The following CAMSAP1 variants were observed in gnomAD, a reference collection of about 807,000 sequenced individuals.
CAMSAP1 encodes calmodulin-regulated spectrin-associated protein 1.
Under a neutral mutation model 143.5 loss-of-function variants are expected in CAMSAP1, and 58 were observed. That is an observed-to-expected ratio of 0.40 (90% CI 0.33 to 0.50). CAMSAP1 has a LOEUF of 0.50. CAMSAP1 is among the 20% of genes least tolerant of loss of function. The pLI is 0.45. For synonymous variants in CAMSAP1, 945 were observed against 859.3 expected (o/e 1.10, Z -1.74); for missense variants, 1,969 against 2,115.7 (o/e 0.93, Z 1.36).
chr9:135,850,550 A>G (rs1256199050), intron 5 of CAMSAP1, 89 bp from the exon 6 acceptor site: 4 of 1,039,918 alleles, frequency 3.8e-6, no homozygotes, highest in Middle Eastern at 3.1e-4. Context: ...ACCATTTTAC[A>G]TAAAGGTAGT....
chr9:135,818,924 T>C lies in CAMSAP1; in HGVS notation c.3959+86A>G, dbSNP rs1835339280. On this transcript the variant is annotated intron_variant, in intron 12 of 16. Transcript: ENST00000389532. The surrounding 1 kb of genome is among the most constrained non-coding windows in gnomAD (Gnocchi z 7.7). ...CACAGGCACTCATTGCCATGGTCCATGCTCAGTGCCAGCAACGGGACCGGG... is the reference window on the plus strand; with the variant it reads ...CACAGGCACTCATTGCCATGGTCCACGCTCAGTGCCAGCAACGGGACCGGG... 3.9e-6 allele frequency: 6 copies of C among 1,538,556 alleles called. No individual in the cohort carries two copies. Among genetic ancestry groups the C allele is most frequent in the Non-Finnish European group, 5.2e-6 (6 of 1,145,796 alleles).
intron 3 of CAMSAP1, among the ~76,000 whole-genome samples, chr9:135,875,846 T>C (rs1241442790): frequency 6.6e-6 from 1 of 152,186 alleles, no homozygotes; most frequent in Non-Finnish European, 1.5e-5. Context: ...GAAGAAAACA[T>C]AGGAGAAACT....
chr9:135,881,545 CG>C (rs1467375648), intron 3 of CAMSAP1, 87 bp downstream of exon 3: 1 of 1,419,956 alleles, frequency 7.0e-7, no homozygotes, highest in East Asian at 2.5e-5. Flanking sequence ...TGGGTCTCAG[CG>C]TGACAGACAA....
chr9:135,866,320 G>C (rs775539959), intron 4 of CAMSAP1, 136 bp downstream of exon 4: 2 of 606,776 alleles, frequency 3.3e-6, no homozygotes, highest in East Asian at 5.6e-5. Context: ...AGCCCACCAG[G>C]TGAATCCAAG....
At position 135,850,371 on chromosome 9, in the gene CAMSAP1, CATTT is replaced by C. The variant is rs748456502; in HGVS notation, c.895_898del (p.Lys299ValfsTer14). On this transcript the variant is annotated frameshift_variant, in exon 6 of 17. Transcript: ENST00000389532. LOFTEE classifies it high-confidence loss of function. ...CATATCTTCCAAGGTGAGATAAAAA[CATTT>C]ATTAAGATATTCATTGGAGAATTCT... The C allele has an allele frequency of 6.2e-7, 1 of 1,611,206 alleles. No individual in the cohort carries two copies. The highest frequency in any genetic ancestry group is 1.7e-5 in the Admixed American group (1 of 59,404).
chr9:135,809,791 G>C lies in CAMSAP1; in HGVS notation c.*1518C>G, dbSNP rs559653861. 1 of 152,516 alleles carries C rather than the reference G, an allele frequency of 6.6e-6. No homozygotes were observed. The highest frequency in any genetic ancestry group is 2.4e-5 in the African/African-American group (1 of 41,396). 9.4% of individuals were successfully genotyped at this position (152,516 alleles called of 1,614,324 possible). ...GACAGAGAGCGGCTGTGTCGAACAC[G>C]ATATATACAAAATCGCAAGAGACTG... On this transcript the variant is annotated 3_prime_UTR_variant, in exon 17 of 17. Transcript: ENST00000389532.
rs78900022 is a variant in CAMSAP1 at position 135,859,764 on chromosome 9, T to C, written c.808+2703A>G. Among the ~76,000 whole-genome samples the C allele has an allele frequency of 6.6e-3, 997 of 152,204 alleles. 6 individuals are homozygous for C. Among genetic ancestry groups the C allele is most frequent in the African/African-American group, 0.022 (923 of 41,534 alleles). On this transcript the variant is annotated intron_variant, in intron 5 of 16. Transcript: ENST00000389532. ...TAATGAGCTTCAATACAGTCACACC[T>C]TCCTGTAAACTGTTCACATGATCAT...
rs148885212 is a variant in CAMSAP1 at position 135,905,364 on chromosome 9, A to G, written c.160+1636T>C. On this transcript the variant is annotated intron_variant, in intron 1 of 16. Coordinates refer to ENST00000389532, the MANE Select transcript of CAMSAP1 (RefSeq NM_015447.4). ...CCTTGCTAAAGAAATTGGAAAGCAGATCGTGAAAGTTCTTTTTATAGCAAT... is the reference window on the plus strand; with the variant it reads ...CCTTGCTAAAGAAATTGGAAAGCAGGTCGTGAAAGTTCTTTTTATAGCAAT... Among the ~76,000 whole-genome samples, 133 of 152,378 alleles carry G rather than the reference A, an allele frequency of 8.7e-4. 3 individuals are homozygous for G. The East Asian group carries it at 0.025, about 29-fold the overall frequency.
intron 1 of CAMSAP1, among the ~76,000 whole-genome samples, chr9:135,884,055 G>A (rs1018133756): frequency 2.0e-5 from 3 of 152,148 alleles, no homozygotes; most frequent in African/African-American, 4.8e-5. Flanking sequence ...GACGGAGGAC[G>A]AGGGATGTCT....
chr9:135,865,288 G>C (rs1228732291), intron 4 of CAMSAP1: 2 of 1,546,132 alleles, frequency 1.3e-6, no homozygotes, highest in Non-Finnish European at 1.7e-6. Flanking sequence ...GATCGCGACA[G>C]GATGGCTCTG....
intron 7 of CAMSAP1, among the ~76,000 whole-genome samples, chr9:135,835,417 G>A (rs778759894): frequency 3.3e-5 from 5 of 152,188 alleles, no homozygotes; most frequent in Non-Finnish European, 5.9e-5. Flanking sequence ...GAGGCTTCAC[G>A]GAGGTATCAG....
intron 5 of CAMSAP1, among the ~76,000 whole-genome samples, chr9:135,857,013 G>C (rs995189616): frequency 6.6e-6 from 1 of 152,194 alleles, no homozygotes; most frequent in Non-Finnish European, 1.5e-5. Flanking sequence ...CTGTGGCTGA[G>C]GAATCTGGTG....
At chr9:135,879,307 G>C (rs1837855582) in intron 3 of CAMSAP1, among the ~76,000 whole-genome samples, 1 of 152,128 alleles carries the variant, frequency 6.6e-6, no homozygotes, top group Non-Finnish European at 1.5e-5. Context: ...CAAGTCCACA[G>C]AAACACAGAG....
chr9:135,897,178 A>G (rs1838481883), intron 1 of CAMSAP1, among the ~76,000 whole-genome samples: 1 of 152,098 alleles, frequency 6.6e-6, no homozygotes, highest in African/African-American at 2.4e-5. Context: ...TTTTTGAGAC[A>G]CGGTCTCACT....
intron 16 of CAMSAP1, 85 bp downstream of exon 16, chr9:135,815,011 TA>T: frequency 1.1e-6 from 1 of 937,978 alleles, no homozygotes; most frequent in South Asian, 1.5e-5. Context: ...CATCAAAGAT[TA>T]GGGGTGTTTT....
chr9:135,901,174 T>G (rs11103210), intron 1 of CAMSAP1, among the ~76,000 whole-genome samples: 2,464 of 152,344 alleles, frequency 0.016, 66 homozygotes, highest in African/African-American at 0.055. Flanking sequence ...CCATGGCAGT[T>G]CAGCTGACTG....
chr9:135,846,468 G>T (rs1473195812), intron 7 of CAMSAP1, among the ~76,000 whole-genome samples: 1 of 151,980 alleles, frequency 6.6e-6, no homozygotes, highest in Non-Finnish European at 1.5e-5. Context: ...ACACAGGCAT[G>T]GGCAAAGACT....
At position 135,824,503 on chromosome 9, in the gene CAMSAP1, A is replaced by G. The variant is rs1433739373; in HGVS notation, c.1315+286T>C. Among the ~76,000 whole-genome samples the G allele has an allele frequency of 6.6e-6, 1 of 152,168 alleles. No homozygotes were observed. Among genetic ancestry groups the G allele is most frequent in the South Asian group, 2.1e-4 (1 of 4,824 alleles). ...GACATGATGAAACCCTGTCTCTACT[A>G]AAAATACAAAAATTAACTGAGCATG... On this transcript the variant is annotated intron_variant, in intron 9 of 16. Coordinates refer to ENST00000389532, the MANE Select transcript of CAMSAP1 (RefSeq NM_015447.4). This position sits in a 1 kb window ranked among gnomAD's most constrained non-coding sequence, Gnocchi z 4.1.
At chr9:135,880,355 C>G (rs1243784024) in intron 3 of CAMSAP1, among the ~76,000 whole-genome samples, 2 of 151,968 alleles carry the variant, frequency 1.3e-5, no homozygotes, top group Admixed American at 6.6e-5. Context: ...TGGGTAGAGG[C>G]AGAGTGGGGC....
Sources: gnomAD v4.1 joint callset for allele counts (sites outside exome capture counted in the v4.1 genomes callset) on GRCh38, gnomAD v4.1.1 for gene constraint, Gnocchi (gnomAD v3.1) non-coding constraint, MANE v1.5 for transcripts, NCBI Gene and HGNC (gene_info 2026-07-23, HGNC 2026-07-21) for gene names.